The following MRPS28 variants were observed in gnomAD, a reference collection of about 807,000 sequenced individuals.
MRPS28 encodes mitochondrial ribosomal protein S28.
A neutral mutation model predicts 10.8 loss-of-function variants in MRPS28; 7 were observed. The observed-to-expected ratio is 0.65, with a 90% CI of 0.37 to 1.22. The LOEUF is 1.22. Among genes scored for constraint, MRPS28 ranks in the 50% most tolerant of loss-of-function variants. The probability of loss-of-function intolerance (pLI) is 0.02; values close to 1 mark genes in which losing one functional copy is unlikely to be tolerated. For missense variants in MRPS28, 265 were observed against 232.9 expected (o/e 1.14, Z -0.90); for synonymous variants, 121 against 93.3 (o/e 1.30, Z -1.71).
chr8:79,924,644 G>A (rs769566606), intron 2 of MRPS28, among the ~76,000 whole-genome samples: 4 of 152,044 alleles, frequency 2.6e-5, no homozygotes, highest in African/African-American at 7.2e-5. Context: ...GATTGTATAC[G>A]CAAAATGCAA....
chr8:79,963,397 GCGGTAAC>G (rs1807421564), intron 2 of MRPS28, among the ~76,000 whole-genome samples: 1 of 151,944 alleles, frequency 6.6e-6, no homozygotes, highest in Non-Finnish European at 1.5e-5. Context: ...TTCCATGGGG[GCGGTAAC>G]CAGATGTCAA....
intron 1 of MRPS28, among the ~76,000 whole-genome samples, chr8:80,025,044 C>T (rs1809461733): frequency 6.6e-6 from 1 of 152,146 alleles, no homozygotes; most frequent in South Asian, 2.1e-4. Flanking sequence ...TAGGGAACAG[C>T]AAAATTCATC....
chr8:80,027,309 A>G (rs1033804797), intron 1 of MRPS28, among the ~76,000 whole-genome samples: 1 of 152,210 alleles, frequency 6.6e-6, no homozygotes, highest in Admixed American at 6.5e-5. Context: ...CTCCAGTTGA[A>G]GCATTATCTC....
Position 80,003,152 on chromosome 8 carries a change from G to A in MRPS28, c.242C>T (p.Ala81Val), listed in dbSNP as rs1192669508. The A allele has an allele frequency of 1.3e-6, 2 of 1,592,680 alleles. No homozygotes were observed. Among genetic ancestry groups the A allele is most frequent in the Admixed American group, 1.9e-5 (1 of 53,334 alleles). The change falls in exon 2 of 3, where the codon GCA becomes GTA. Residue 81 changes from alanine to valine, a missense_variant. Transcript: ENST00000276585. The stretch of plus-strand genomic sequence containing the variant: ...AAGAGGAGAATGTCTCAGCATAGAT[G>A]CAAAGGATTCCACATTTTTTGGAGA... ...KGSPKNVESF[A>V]SMLRHSPLTQ...
Position 80,003,006 on chromosome 8 carries a change from C to A in MRPS28, c.388G>T (p.Asp130Tyr). The A allele has an allele frequency of 6.3e-7, 1 of 1,578,146 alleles. No homozygotes were observed. The highest frequency in any genetic ancestry group is 8.6e-7 in the Non-Finnish European group (1 of 1,166,836). ...FHCVCRRPEV[D>Y]GEKYQKGTRV... ...GGAAATGATTTTACTTACTCTCCAT[C>A]CACTTCTGGTCTTCTACATACACAA... The change falls in exon 2 of 3, where the codon GAT (aspartate) becomes TAT (tyrosine). Residue 130 changes from aspartate (D) to tyrosine (Y), a missense_variant. Physicochemically the swap from Asp to Tyr is radical, Grantham distance 160. Transcript: ENST00000276585.
At chr8:79,925,842 C>T (rs185639361) in intron 2 of MRPS28, among the ~76,000 whole-genome samples, 1 of 152,040 alleles carries the variant, frequency 6.6e-6, no homozygotes, top group East Asian at 1.9e-4. Flanking sequence ...CAGAAATTAG[C>T]TAGGCATGGT....
intron 2 of MRPS28, among the ~76,000 whole-genome samples, chr8:79,939,889 G>A (rs1329261355): frequency 6.6e-6 from 1 of 151,594 alleles, no homozygotes; most frequent in African/African-American, 2.4e-5. Flanking sequence ...AGAATGGCGT[G>A]AACCCGGGAG....
intron 1 of MRPS28, among the ~76,000 whole-genome samples, chr8:80,029,417 T>C (rs1465574742): frequency 2.0e-5 from 3 of 152,162 alleles, no homozygotes; most frequent in Non-Finnish European, 4.4e-5. Context: ...ATTTTATTTC[T>C]TCCATTTCAT....
At chr8:80,024,426 TTAAC>T (rs1401054475) in intron 1 of MRPS28, among the ~76,000 whole-genome samples, 1 of 152,168 alleles carries the variant, frequency 6.6e-6, no homozygotes, top group Non-Finnish European at 1.5e-5. Flanking sequence ...TCGGTTCCCT[TTAAC>T]TAGTAACCCG....
At chr8:79,978,964 A>G (rs74409992) in intron 2 of MRPS28, among the ~76,000 whole-genome samples, 3,433 of 152,296 alleles carry the variant, frequency 0.023, 147 homozygotes, top group African/African-American at 0.078. Context: ...CTTAGTAGTC[A>G]TTTCTAATAT....
intron 2 of MRPS28, among the ~76,000 whole-genome samples, chr8:79,924,859 T>G (rs1230953153): frequency 6.6e-6 from 1 of 152,174 alleles, no homozygotes; most frequent in Non-Finnish European, 1.5e-5. Context: ...GAGTCTCTCA[T>G]TTGTTGTTTT....
rs1331907182 is a variant in MRPS28, at chr8:80,003,088, T to C, written c.306A>G (p.Gly102=). The C allele has an allele frequency of 6.8e-6, 11 of 1,613,638 alleles. No homozygotes were observed. Among genetic ancestry groups the C allele is most frequent in the Non-Finnish European group, 7.6e-6 (9 of 1,179,874 alleles). Residue 102 remains glycine, a synonymous_variant, in exon 2 of 3, where the codon GGA becomes GGG. Coordinates refer to ENST00000276585, the MANE Select transcript of MRPS28 (RefSeq NM_014018.3). Reference sequence around the variant, plus strand: ...CATTCTCCACAATATGAAAGATCCGTCCAATGACCAGTTTATCCTTTGCAG... The same window carrying C: ...CATTCTCCACAATATGAAAGATCCGCCCAATGACCAGTTTATCCTTTGCAG... ...MGPAKDKLVI[G]RIFHIVENDL...
At chr8:80,024,917 A>T (rs988557655) in intron 1 of MRPS28, among the ~76,000 whole-genome samples, 1 of 152,222 alleles carries the variant, frequency 6.6e-6, no homozygotes, top group African/African-American at 2.4e-5. Context: ...GCATTCAAAA[A>T]CAGTTTCATC....
At chr8:79,944,058 G>GA (rs1806837923) in intron 2 of MRPS28, among the ~76,000 whole-genome samples, 1 of 152,078 alleles carries the variant, frequency 6.6e-6, no homozygotes, top group Non-Finnish European at 1.5e-5. Flanking sequence ...TTGAATATCA[G>GA]AAAAAATTTC....
chr8:79,961,611 A>G (rs961961017), intron 2 of MRPS28, among the ~76,000 whole-genome samples: 1 of 152,180 alleles, frequency 6.6e-6, no homozygotes, highest in Non-Finnish European at 1.5e-5. Flanking sequence ...TAGTGAAGAC[A>G]GAGTATTTCA....
chr8:79,931,882 G>A (rs1340426481), intron 2 of MRPS28, among the ~76,000 whole-genome samples: 3 of 152,210 alleles, frequency 2.0e-5, no homozygotes, highest in Non-Finnish European at 2.9e-5. Context: ...ATTAGCTAAA[G>A]GCTTCTAATC....
At chr8:79,981,722 C>T (rs1352812594) in intron 2 of MRPS28, among the ~76,000 whole-genome samples, 1 of 152,084 alleles carries the variant, frequency 6.6e-6, no homozygotes, top group Non-Finnish European at 1.5e-5. Flanking sequence ...TATAGCATAA[C>T]AAAGAGTTGA....
chr8:79,968,501 A>G (rs981550927), intron 2 of MRPS28, among the ~76,000 whole-genome samples: 1 of 152,048 alleles, frequency 6.6e-6, no homozygotes, highest in African/African-American at 2.4e-5. Context: ...CCACTGTTCT[A>G]TAATATAAAG....
intron 2 of MRPS28, among the ~76,000 whole-genome samples, chr8:79,974,519 C>T (rs565428236): frequency 1.3e-5 from 2 of 150,638 alleles, no homozygotes; most frequent in South Asian, 2.1e-4. Context: ...CCAGCCTGGG[C>T]GACAGAGCGA....
Sources: allele counts gnomAD v4.1 joint callset (sites outside exome capture counted in the v4.1 genomes callset), GRCh38; gene constraint gnomAD v4.1.1; transcripts MANE v1.5; gene names NCBI Gene and HGNC (gene_info 2026-07-23, HGNC 2026-07-21).